LRRC27: variants seen among roughly 807,000 people sequenced by gnomAD.
The protein encoded by LRRC27 is leucine rich repeat containing 27.
Under a neutral mutation model 55.0 loss-of-function variants are expected in LRRC27, and 57 were observed. The ratio of observed to expected loss-of-function variants is 1.04; its 90% CI spans 0.84 to 1.29. The LOEUF is 1.29. Among genes scored for constraint, LRRC27 ranks in the 50% most tolerant of loss-of-function variants. LRRC27 has a pLI of 0.00. For missense variants in LRRC27, 721 were observed against 651.5 expected, an observed-to-expected ratio of 1.11 and a Z score of -1.16; for synonymous variants, 278 against 251.9, an observed-to-expected ratio of 1.10 and a Z score of -0.98.
At chr10:132,362,061 A>G (rs1342791745) in intron 9 of LRRC27, among the ~76,000 whole-genome samples, 3 of 152,338 alleles carry the variant, frequency 2.0e-5, no homozygotes, top group African/African-American at 7.2e-5. Flanking sequence ...TGGGTGAGGC[A>G]GCGAGGCCAG....
At chr10:132,370,699 C>T (rs1021861109) in intron 10 of LRRC27, among the ~76,000 whole-genome samples, 2 of 152,198 alleles carry the variant, frequency 1.3e-5, no homozygotes, top group Non-Finnish European at 2.9e-5. Context: ...GTTTAGGAAA[C>T]GATCTTAATT....
intron 2 of LRRC27, chr10:132,336,648 C>T (rs768944673): frequency 1.8e-4 from 115 of 652,422 alleles, no homozygotes; most frequent in Non-Finnish European, 2.8e-4. Context: ...CACATTGCCC[C>T]GTCTCACAGA....
chr10:132,368,690 G>A (rs190867078), intron 10 of LRRC27, among the ~76,000 whole-genome samples: 23 of 152,266 alleles, frequency 1.5e-4, no homozygotes, highest in Middle Eastern at 3.4e-3. Context: ...ACGTGTTACC[G>A]TACAACTTTT....
intron 2 of LRRC27, among the ~76,000 whole-genome samples, chr10:132,335,681 G>A (rs762710949): frequency 7.9e-5 from 12 of 151,736 alleles, no homozygotes; most frequent in Non-Finnish European, 1.6e-4. Flanking sequence ...CTATAGGGTC[G>A]CAGTCTTCCT....
Position 132,333,476 on chromosome 10 carries a change from G to C in LRRC27, c.-48-1G>C, listed in dbSNP as rs765401223. The C allele has an allele frequency of 6.9e-7, 1 of 1,454,318 alleles. No homozygotes were observed. The highest frequency in any genetic ancestry group is 1.4e-5 in the African/African-American group (1 of 70,534). The allele number at this position is 1,454,318 out of a possible 1,614,324, so 90.1% of individuals were successfully genotyped here. A position where few individuals can be genotyped will look rare whatever the true frequency, so the allele number is the denominator to read the frequency against. ...TACGTTTCCCTTTCCCGTGTCTCCA[G>C]GTGACTCCAGACCAAGGAGGATGAG... is the stretch of plus-strand genomic sequence containing the variant. On this transcript the variant is annotated splice_acceptor_variant, in intron 1 of 10. Coordinates refer to ENST00000368614, the MANE Select transcript of LRRC27 (RefSeq NM_030626.3). LOFTEE classifies it low-confidence loss of function (5UTR_SPLICE).
intron 7 of LRRC27, 56 bp from the exon 8 acceptor site, chr10:132,355,734 G>GT: frequency 7.6e-7 from 1 of 1,307,344 alleles, no homozygotes; most frequent in East Asian, 2.5e-5. Context: ...GAGGAATCCT[G>GT]TAGCCTTGGC....
In LRRC27 at chr10:132,367,018, A is replaced by G. The variant is rs1412252928; in HGVS notation, c.1416+1468A>G. 3.4e-6 allele frequency: 4 copies of G among 1,165,546 alleles called. No homozygotes were observed. In the Admixed American group the frequency reaches 1.2e-4, roughly 36 times the overall value. 72.2% of individuals were successfully genotyped at this position (1,165,546 alleles called of 1,614,324 possible). On this transcript the variant is annotated intron_variant, in intron 10 of 10. Coordinates refer to ENST00000368614, the MANE Select transcript of LRRC27 (RefSeq NM_030626.3). ...CTTTCTAAATCCATCGTTTATGAGTATGACCTTGTCCTTGGACACCCAAAC... is the reference window on the plus strand; with the variant it reads ...CTTTCTAAATCCATCGTTTATGAGTGTGACCTTGTCCTTGGACACCCAAAC...
At chr10:132,332,963 A>G (rs2066888369) in intron 1 of LRRC27, among the ~76,000 whole-genome samples, 1 of 152,236 alleles carries the variant, frequency 6.6e-6, no homozygotes, top group Non-Finnish European at 1.5e-5. Flanking sequence ...TTCGAGATTA[A>G]TTTAACAGGT....
chr10:132,332,839 G>T (rs2066876547), intron 1 of LRRC27, among the ~76,000 whole-genome samples: 2 of 152,138 alleles, frequency 1.3e-5, no homozygotes, highest in African/African-American at 4.8e-5. Flanking sequence ...GCATTCCAAC[G>T]TTGATTCTTA....
chr10:132,353,313 C>T (rs897012827), intron 7 of LRRC27: 10 of 1,149,660 alleles, frequency 8.7e-6, no homozygotes, highest in East Asian at 5.6e-5. Flanking sequence ...GGCTGCAGCC[C>T]GGCCCTGACT....
chr10:132,349,118 A>T, intron 6 of LRRC27: 3 of 1,130,426 alleles, frequency 2.7e-6, no homozygotes, highest in Non-Finnish European at 3.9e-6. Context: ...GTGTGTGTGT[A>T]AACATCTAGA....
rs74161788 is a variant in LRRC27, at chr10:132,347,430, A to G, written c.554-554A>G. On this transcript the variant is annotated intron_variant, in intron 5 of 10. Coordinates refer to ENST00000368614, the MANE Select transcript of LRRC27 (RefSeq NM_030626.3). ...CGTGTCTCATGGGGCCTGTGTAGGA[A>G]GGTCAGGCGTGCTCAGTGGGGCTTG... is the stretch of plus-strand genomic sequence containing the variant. Among the ~76,000 whole-genome samples the G allele has an allele frequency of 4.1e-3, 566 of 139,176 alleles. 10 individuals are homozygous for G. The highest frequency in any genetic ancestry group is 0.014 in the African/African-American group (533 of 36,788). The allele number at this position is 139,176 out of a possible 152,430, so 91.3% of individuals were successfully genotyped here.
rs1310570549 is a variant in LRRC27 at position 132,376,545 on chromosome 10, TG to T, written c.*1305del. Reference sequence around the variant, plus strand: ...TGCTGGTCAGGGTCTCCCGTGAGGCTGGAGTCAGCCGTGGGTTGAGCTGCTC... The same window carrying T: ...TGCTGGTCAGGGTCTCCCGTGAGGCTGAGTCAGCCGTGGGTTGAGCTGCTC... On this transcript the variant is annotated 3_prime_UTR_variant, in exon 11 of 11. Coordinates refer to ENST00000368614, the MANE Select transcript of LRRC27 (RefSeq NM_030626.3). The T allele has an allele frequency of 2.0e-5, 3 of 152,364 alleles. No individual in the cohort carries two copies. Among genetic ancestry groups the T allele is most frequent in the Non-Finnish European group, 4.4e-5 (3 of 68,054 alleles). 9.4% of individuals were successfully genotyped at this position (152,364 alleles called of 1,614,324 possible).
rs758822094 is a variant in LRRC27 at position 132,344,550 on chromosome 10, C to G, written c.453C>G (p.Phe151Leu). Residue 151 changes from phenylalanine (F) to leucine (L), a missense_variant, in exon 5 of 11, where the codon TTC becomes TTG. Coordinates refer to ENST00000368614, the MANE Select transcript of LRRC27 (RefSeq NM_030626.3). ...ACCTAAGACACTGCCCTCTGGAATTCCCTCCTCAGCTCGTTGTGCAGAAGG... is the reference window on the plus strand; with the variant it reads ...ACCTAAGACACTGCCCTCTGGAATTGCCTCCTCAGCTCGTTGTGCAGAAGG... ...ALNLRHCPLE[F>L]PPQLVVQKGL... is the part of the protein sequence containing the mutation. The G allele has an allele frequency of 1.3e-5, 21 of 1,614,044 alleles. No individual in the cohort carries two copies. The highest frequency in any genetic ancestry group is 1.5e-5 in the Non-Finnish European group (18 of 1,180,018).
rs1248488262 is a variant in LRRC27, at chr10:132,377,603, A to G, written c.*2361A>G. 6.6e-6 allele frequency: 1 copy of G among 152,078 alleles called. No individual in the cohort carries two copies. Among genetic ancestry groups the G allele is most frequent in the Non-Finnish European group, 1.5e-5 (1 of 68,024 alleles). The allele number at this position is 152,078 out of a possible 1,614,324, so 9.4% of individuals were successfully genotyped here. A position where few individuals can be genotyped will look rare whatever the true frequency, so the allele number is the denominator to read the frequency against. ...TCTTGACTCGCTGTTCCTAGACATC[A>G]GTGTTTGCTTCACTTTACCCATCCC... is the stretch of plus-strand genomic sequence containing the variant. On this transcript the variant is annotated 3_prime_UTR_variant, in exon 11 of 11. Coordinates refer to ENST00000368614, the MANE Select transcript of LRRC27 (RefSeq NM_030626.3).
rs2069407092 is a variant in LRRC27 at position 132,381,246 on chromosome 10, G to T, written c.*6004G>T. On this transcript the variant is annotated 3_prime_UTR_variant, in exon 11 of 11. Coordinates refer to ENST00000368614, the MANE Select transcript of LRRC27 (RefSeq NM_030626.3). ...TGGCCTTCATCTCTCTCCCATGCTG[G>T]ATGCTTCCTGCCCTTGAACATCAGA... Among the ~76,000 whole-genome samples the T allele has an allele frequency of 6.6e-6, 1 of 152,220 alleles. No individual in the cohort carries two copies. Among genetic ancestry groups the T allele is most frequent in the African/African-American group, 2.4e-5 (1 of 41,466 alleles).
At chr10:132,354,161 C>A (rs1260994744) in intron 7 of LRRC27, among the ~76,000 whole-genome samples, 1 of 152,202 alleles carries the variant, frequency 6.6e-6, no homozygotes, top group Non-Finnish European at 1.5e-5. Flanking sequence ...GGCACTCTTA[C>A]CCCCAGACAA....
intron 8 of LRRC27, 82 bp downstream of exon 8, chr10:132,355,968 G>A (rs994798462): frequency 6.1e-6 from 6 of 976,626 alleles, no homozygotes; most frequent in African/African-American, 4.9e-5. Flanking sequence ...TGTCCATGGA[G>A]GATGAGCCGA....
At chr10:132,344,420 G>A (rs2067572525) in intron 4 of LRRC27, 78 bp from the exon 5 acceptor site, 1 of 1,394,424 alleles carries the variant, frequency 7.2e-7, no homozygotes, top group South Asian at 1.4e-5. Context: ...AATGTGAAAA[G>A]TTACTATTAT....
Sources: allele counts gnomAD v4.1 joint callset (sites outside exome capture counted in the v4.1 genomes callset), GRCh38; gene constraint gnomAD v4.1.1; transcripts MANE v1.5; gene names NCBI Gene and HGNC (gene_info 2026-07-23, HGNC 2026-07-21).